FHIT: variants seen among roughly 807,000 people sequenced by gnomAD.
FHIT encodes the protein bis(5'-adenosyl)-triphosphatase.
In FHIT, 19 loss-of-function variants were observed where a neutral mutation model predicts 17.9. The observed-to-expected ratio is 1.06, with a 90% CI of 0.74 to 1.56. The LOEUF is 1.56. FHIT is among the 40% of genes most tolerant of loss of function. The pLI is 0.00. For synonymous variants in FHIT, 81 were observed against 69.7 expected, an observed-to-expected ratio of 1.16 and a Z score of -0.81; for missense variants, 248 against 189.2, an observed-to-expected ratio of 1.31 and a Z score of -1.82.
intron 3 of FHIT, among the ~76,000 whole-genome samples, chr3:60,995,664 TC>T (rs2030621950): frequency 6.6e-6 from 1 of 152,204 alleles, no homozygotes; most frequent in Admixed American, 6.5e-5. Context: ...AAGGTGCTAC[TC>T]CGGCTATTAT....
chr3:59,954,013 G>A (rs77065763), intron 7 of FHIT, among the ~76,000 whole-genome samples: 1 of 152,100 alleles, frequency 6.6e-6, no homozygotes, highest in East Asian at 1.9e-4. Context: ...TGTGAAACTT[G>A]TATTCCAGTG....
intron 5 of FHIT, among the ~76,000 whole-genome samples, chr3:60,356,504 T>C (rs1445395237): frequency 6.6e-6 from 1 of 152,100 alleles, no homozygotes. Flanking sequence ...GTAAGACTAG[T>C]GTAGGTAATT....
chr3:60,947,279 A>C (rs1708680840), intron 3 of FHIT, among the ~76,000 whole-genome samples: 1 of 152,220 alleles, frequency 6.6e-6, no homozygotes, highest in South Asian at 2.1e-4. Flanking sequence ...ACCCTTAAAA[A>C]AAACCCTCAA....
intron 8 of FHIT, among the ~76,000 whole-genome samples, chr3:59,814,045 TACACACACACACACACAC>T (rs144355020): frequency 2.0e-5 from 3 of 146,772 alleles, no homozygotes. Context: ...AATTTACACA[TACACACACACACACACAC>T]ACACACACAC....
intron 1 of FHIT, among the ~76,000 whole-genome samples, chr3:61,219,753 T>C (rs1425881082): frequency 6.6e-6 from 1 of 152,210 alleles, no homozygotes; most frequent in Non-Finnish European, 1.5e-5. Context: ...CACTGATTTA[T>C]CTTGCTGATT....
In FHIT at chr3:60,054,538, C is replaced by CT. The variant is rs754215203; in HGVS notation, c.104-40387dup. ...CAGGGTTTTCAAATTATCCAGAACTCTATCATAATGATGGAGCTAGGAAGT... is the reference window on the plus strand; with the variant it reads ...CAGGGTTTTCAAATTATCCAGAACTCTTATCATAATGATGGAGCTAGGAAGT... On this transcript the variant is annotated intron_variant, in intron 5 of 9. Transcript: ENST00000492590. Among the ~76,000 whole-genome samples the CT allele has an allele frequency of 4.6e-5, 7 of 152,322 alleles. No homozygotes were observed. The East Asian group carries it at 1.3e-3, about 29-fold the overall frequency.
chr3:60,481,889 TAA>T (rs1218049392), intron 5 of FHIT, among the ~76,000 whole-genome samples: 1 of 152,140 alleles, frequency 6.6e-6, no homozygotes, highest in Non-Finnish European at 1.5e-5. Flanking sequence ...GCAAATTGGA[TAA>T]AGAGTCAAGA....
intron 3 of FHIT, among the ~76,000 whole-genome samples, chr3:60,869,588 T>C (rs1704313952): frequency 6.6e-6 from 1 of 152,176 alleles, no homozygotes; most frequent in African/African-American, 2.4e-5. Context: ...TGGGGCACGC[T>C]TGGATTCGGT....
intron 4 of FHIT, among the ~76,000 whole-genome samples, chr3:60,537,963 T>G (rs1312394658): frequency 2.7e-5 from 2 of 75,438 alleles, no homozygotes; most frequent in African/African-American, 1.3e-4. Context: ...GTTGGCTATT[T>G]GTGATATGCA....
chr3:60,609,742 C>T (rs2038724417), intron 4 of FHIT, among the ~76,000 whole-genome samples: 1 of 152,156 alleles, frequency 6.6e-6, no homozygotes, highest in African/African-American at 2.4e-5. Context: ...TTCATGATGT[C>T]TTTGTTCCTG....
At chr3:60,854,726 A>T (rs1318268842) in intron 3 of FHIT, among the ~76,000 whole-genome samples, 1 of 152,066 alleles carries the variant, frequency 6.6e-6, no homozygotes, top group Non-Finnish European at 1.5e-5. Context: ...AGCTTTCCAG[A>T]AAGTTCCATC....
intron 2 of FHIT, among the ~76,000 whole-genome samples, chr3:61,185,767 G>A (rs1375396792): frequency 2.0e-5 from 3 of 152,140 alleles, no homozygotes; most frequent in African/African-American, 2.4e-5. Flanking sequence ...ACCCAGAAAT[G>A]TCACTTGGAG....
chr3:60,653,508 G>T (rs577959475), intron 4 of FHIT, among the ~76,000 whole-genome samples: 30 of 66,622 alleles, frequency 4.5e-4, no homozygotes, highest in African/African-American at 1.1e-3. Flanking sequence ...AAGAAAAAAA[G>T]AAACTGGAGT....
At chr3:60,848,575 T>A (rs1575594515) in intron 3 of FHIT, among the ~76,000 whole-genome samples, 1 of 152,148 alleles carries the variant, frequency 6.6e-6, no homozygotes, top group Admixed American at 6.6e-5. Flanking sequence ...CAGACAGATA[T>A]GGGTTCAAAT....
At chr3:60,488,933 C>A (rs2033952867) in intron 5 of FHIT, among the ~76,000 whole-genome samples, 1 of 152,086 alleles carries the variant, frequency 6.6e-6, no homozygotes, top group African/African-American at 2.4e-5. Flanking sequence ...AAAATCTATT[C>A]CACCTTTTGG....
intron 1 of FHIT, among the ~76,000 whole-genome samples, chr3:61,219,697 C>T (rs977059871): frequency 6.6e-5 from 10 of 152,100 alleles, no homozygotes; most frequent in Non-Finnish European, 1.5e-4. Flanking sequence ...CTTCAGTTCT[C>T]CTAAAAGAAA....
intron 1 of FHIT, among the ~76,000 whole-genome samples, chr3:61,242,915 T>C (rs923018918): frequency 2.0e-5 from 3 of 152,176 alleles, no homozygotes; most frequent in African/African-American, 7.2e-5. Flanking sequence ...GTTTTGATGT[T>C]ATCCCTAGGA....
At chr3:60,720,274 A>G (rs1333181169) in intron 4 of FHIT, among the ~76,000 whole-genome samples, 6 of 152,102 alleles carry the variant, frequency 3.9e-5, no homozygotes, top group Non-Finnish European at 8.8e-5. Flanking sequence ...CAATCTTTAG[A>G]TGTCAGCTCA....
chr3:60,771,370 A>G (rs1219720097), intron 4 of FHIT, among the ~76,000 whole-genome samples: 1 of 152,216 alleles, frequency 6.6e-6, no homozygotes, highest in Non-Finnish European at 1.5e-5. Flanking sequence ...ACTCTTTCTG[A>G]AAACTCCTCC....
Sources: allele counts gnomAD v4.1 joint callset (sites outside exome capture counted in the v4.1 genomes callset), GRCh38; gene constraint gnomAD v4.1.1; transcripts MANE v1.5; gene names NCBI Gene and HGNC (gene_info 2026-07-23, HGNC 2026-07-21).